The following WIPF3 variants were observed in gnomAD, a reference collection of about 807,000 sequenced individuals.
The protein encoded by WIPF3 is WAS/WASL-interacting protein family member 3.
Under a neutral mutation model 38.9 loss-of-function variants are expected in WIPF3, and 33 were observed. That is an observed-to-expected ratio of 0.85 (90% CI 0.64 to 1.14). The LOEUF (loss-of-function observed/expected upper bound fraction) is 1.14. Among genes scored for constraint, WIPF3 ranks in the 50% most tolerant of loss-of-function variants. The pLI is 0.00. For missense variants in WIPF3, 711 were observed against 652.5 expected (o/e 1.09, Z -0.98); for synonymous variants, 324 against 269.3 (o/e 1.20, Z -1.99).
In WIPF3 at chr7:29,807,537, A is replaced by G. The variant is rs1784302206; in HGVS notation, c.-58+859A>G. ...CAGGCAGGCACCGGCTCTCAGGAACAGCGCCTTTGGAGGGTGGCGTGCCAG... is the reference window on the plus strand; with the variant it reads ...CAGGCAGGCACCGGCTCTCAGGAACGGCGCCTTTGGAGGGTGGCGTGCCAG... On this transcript the variant is annotated intron_variant, in intron 1 of 8. Transcript: ENST00000242140. Among the ~76,000 whole-genome samples, 3 of 152,198 alleles carry G rather than the reference A, an allele frequency of 2.0e-5. No individual in the cohort carries two copies. The South Asian group carries it at 6.2e-4, about 31-fold the overall frequency.
chr7:29,911,762 A>G (rs1187528991), intron 8 of WIPF3, among the ~76,000 whole-genome samples: 1 of 152,162 alleles, frequency 6.6e-6, no homozygotes, highest in African/African-American at 2.4e-5. Flanking sequence ...CCCTTCTAAT[A>G]TCATGTACAA....
At position 29,832,157 on chromosome 7, in the gene WIPF3, G is replaced by A. The variant is rs1019884169; in HGVS notation, c.-57-2511G>A. Among the ~76,000 whole-genome samples, 4 of 152,188 alleles carry A rather than the reference G, an allele frequency of 2.6e-5. No individual in the cohort carries two copies. The South Asian group carries it at 6.2e-4, about 24-fold the overall frequency. On this transcript the variant is annotated intron_variant, in intron 1 of 8. Transcript: ENST00000242140. The stretch of plus-strand genomic sequence containing the variant: ...TATAATGAGACCTCTAGATATTCTC[G>A]TTCTGTTAATACTTCAACCAACTCT...
chr7:29,813,690 A>G (rs1784415536), intron 1 of WIPF3, among the ~76,000 whole-genome samples: 2 of 152,164 alleles, frequency 1.3e-5, no homozygotes, highest in Admixed American at 6.5e-5. Flanking sequence ...TTCACATACC[A>G]TAAGATTCAG....
intron 2 of WIPF3, among the ~76,000 whole-genome samples, chr7:29,845,025 C>CTTTCCT (rs1448034320): frequency 1.4e-5 from 2 of 147,724 alleles, no homozygotes; most frequent in Non-Finnish European, 3.0e-5. Flanking sequence ...TTGCTGTTTT[C>CTTTCCT]TTTCCTTTTT....
chr7:29,858,351 G>A (rs541588726), intron 2 of WIPF3, among the ~76,000 whole-genome samples: 1 of 152,172 alleles, frequency 6.6e-6, no homozygotes, highest in African/African-American at 2.4e-5. Context: ...GAAATACCAA[G>A]GAGGCAGAGA....
intron 7 of WIPF3, among the ~76,000 whole-genome samples, chr7:29,903,217 C>G (rs1382457335): frequency 3.9e-5 from 6 of 151,972 alleles, no homozygotes. Context: ...TCACTTGAGT[C>G]CAGAAGGTTG....
chr7:29,848,769 G>A (rs946679768), intron 2 of WIPF3, among the ~76,000 whole-genome samples: 1 of 152,152 alleles, frequency 6.6e-6, no homozygotes, highest in Admixed American at 6.5e-5. Context: ...TTTTTAATAA[G>A]CAGGGATTTG....
intron 6 of WIPF3, among the ~76,000 whole-genome samples, chr7:29,888,666 G>A (rs948153066): frequency 3.9e-5 from 6 of 152,138 alleles, no homozygotes; most frequent in African/African-American, 1.4e-4. Context: ...GTCACCTGGG[G>A]TCAGATGTGA....
intron 1 of WIPF3, among the ~76,000 whole-genome samples, chr7:29,819,206 C>T (rs1206911209): frequency 6.6e-6 from 1 of 151,994 alleles, no homozygotes; most frequent in South Asian, 2.1e-4. Context: ...ACTATTTCTT[C>T]TCTTTAGATG....
At chr7:29,828,811 G>A (rs1784668843) in intron 1 of WIPF3, among the ~76,000 whole-genome samples, 1 of 152,234 alleles carries the variant, frequency 6.6e-6, no homozygotes, top group African/African-American at 2.4e-5. Context: ...TCTGGCTGGA[G>A]GAGGTGGGAC....
rs1202287842 is a variant in WIPF3, at chr7:29,879,149, G to C, written c.355+9G>C. The C allele has an allele frequency of 6.2e-7, 1 of 1,607,478 alleles. No homozygotes were observed. The highest frequency in any genetic ancestry group is 1.7e-5 in the Admixed American group (1 of 59,884). ...CCAGCGGGATGTAGCAGGTAAGGAAGAATTCATTCTGGCTCCCTTGTGGTC... is the reference window on the plus strand; with the variant it reads ...CCAGCGGGATGTAGCAGGTAAGGAACAATTCATTCTGGCTCCCTTGTGGTC... On this transcript the variant is annotated intron_variant, in intron 4 of 8. Transcript: ENST00000242140.
intron 1 of WIPF3, among the ~76,000 whole-genome samples, chr7:29,828,122 C>T (rs1784652952): frequency 6.6e-6 from 1 of 152,044 alleles, no homozygotes; most frequent in African/African-American, 2.4e-5. Flanking sequence ...CAGATGGTGG[C>T]AGTAATCTTT....
At chr7:29,834,850 C>T in intron 2 of WIPF3, 36 bp downstream of exon 2, 1 of 1,482,228 alleles carries the variant, frequency 6.7e-7, no homozygotes, top group Non-Finnish European at 9.0e-7. Context: ...TACTGTGGAG[C>T]ATAAACTGCT....
intron 7 of WIPF3, among the ~76,000 whole-genome samples, chr7:29,902,466 T>A (rs1181012449): frequency 1.3e-5 from 2 of 152,080 alleles, no homozygotes; most frequent in Non-Finnish European, 2.9e-5. Flanking sequence ...TAGTCCAATT[T>A]AAAAAATTGT....
At chr7:29,870,630 G>T (rs1279489735) in intron 2 of WIPF3, among the ~76,000 whole-genome samples, 2 of 152,144 alleles carry the variant, frequency 1.3e-5, no homozygotes, top group African/African-American at 4.8e-5. Context: ...AACAGGACCA[G>T]ACTCATAGCC....
At position 29,915,022 on chromosome 7, in the gene WIPF3, C is replaced by T. The variant is rs368472950; in HGVS notation, c.*506C>T. On this transcript the variant is annotated 3_prime_UTR_variant, in exon 9 of 9. Transcript: ENST00000242140. ...TGTCCCCCACACCCAGACAGTGCCG[C>T]GCAGCCTCCAGGGAACGAGGTGCCA... is the stretch of plus-strand genomic sequence containing the variant. The T allele has an allele frequency of 8.6e-5, 13 of 151,482 alleles. No homozygotes were observed. Among genetic ancestry groups the T allele is most frequent in the African/African-American group, 3.2e-4 (13 of 41,174 alleles). 9.4% of individuals were successfully genotyped at this position (151,482 alleles called of 1,614,324 possible). A position where few individuals can be genotyped will look rare whatever the true frequency, so the allele number is the denominator to read the frequency against.
intron 1 of WIPF3, among the ~76,000 whole-genome samples, chr7:29,807,539 C>T (rs1784302244): frequency 6.6e-6 from 1 of 152,178 alleles, no homozygotes; most frequent in Non-Finnish European, 1.5e-5. Flanking sequence ...TCAGGAACAG[C>T]GCCTTTGGAG....
intron 1 of WIPF3, among the ~76,000 whole-genome samples, chr7:29,833,383 G>A (rs1784752321): frequency 6.6e-6 from 1 of 152,218 alleles, no homozygotes; most frequent in African/African-American, 2.4e-5. Context: ...GCTGGTTATA[G>A]TATAGGTGAC....
intron 2 of WIPF3, among the ~76,000 whole-genome samples, chr7:29,861,556 C>G (rs1310864444): frequency 6.6e-6 from 1 of 151,992 alleles, no homozygotes; most frequent in Non-Finnish European, 1.5e-5. Flanking sequence ...TTCTATTTGC[C>G]ATTTATTTAT....
Sources: gnomAD v4.1 joint callset for allele counts (sites outside exome capture counted in the v4.1 genomes callset) on GRCh38, gnomAD v4.1.1 for gene constraint, MANE v1.5 for transcripts, NCBI Gene and HGNC (gene_info 2026-07-23, HGNC 2026-07-21) for gene names.